The following GCDH variants were observed in gnomAD, a reference collection of about 807,000 sequenced individuals.
GCDH encodes glutaryl-CoA dehydrogenase.
GCDH carries 31 observed loss-of-function variants against 52.8 expected under a neutral mutation model. That is an observed-to-expected ratio of 0.59 (90% confidence interval 0.44 to 0.79). The LOEUF is 0.79. Ranked by LOEUF, GCDH falls within the 30% of genes least tolerant of loss-of-function variation. The pLI is 0.00. For synonymous variants in GCDH, 242 were observed against 250.0 expected (o/e 0.97, Z 0.30); for missense variants, 509 against 595.0 (o/e 0.86, Z 1.50).
chr19:12,891,877 G>A lies in GCDH; in HGVS notation c.174G>A (p.Glu58=), dbSNP rs1256501436. ...FDWQDPLVLE[E]QLTTDEILIR... ...GGCAGGACCCGCTGGTGCTGGAGGA[G>A]CAGCTGACCACAGATGAGATCCTCA... The change falls in exon 4 of 12, where the codon GAG becomes GAA. Residue 58 remains glutamate (E), a synonymous_variant. Transcript: ENST00000222214. The A allele has an allele frequency of 6.2e-7, 1 of 1,614,120 alleles. No homozygotes were observed. Among genetic ancestry groups the A allele is most frequent in the Non-Finnish European group, 8.5e-7 (1 of 1,179,972 alleles).
At chr19:12,897,038 C>T (rs1329450888) in intron 9 of GCDH, 25 bp downstream of exon 9, 3 of 1,571,962 alleles carry the variant, frequency 1.9e-6, no homozygotes, top group Non-Finnish European at 2.6e-6. Context: ...CAGTGAGATT[C>T]TCTGGGGGTG....
chr19:12,891,350 G>A lies in GCDH; in HGVS notation c.46G>A (p.Gly16Ser). The A allele has an allele frequency of 6.2e-7, 1 of 1,613,184 alleles. No individual in the cohort carries two copies. The highest frequency in any genetic ancestry group is 8.5e-7 in the Non-Finnish European group (1 of 1,179,982). ...CGTGCGGCTGCTGAGCCGCGGACCC[G>A]GCCTGCACGTCCTTCGCACGTGGGT... ...VSVRLLSRGP[G>S]LHVLRTWVSS... The change falls in exon 2 of 12, where the codon GGC becomes AGC. Residue 16 changes from glycine to serine, a missense_variant. Transcript: ENST00000222214.
Position 12,897,330 on chromosome 19 carries a change from G to C in GCDH, c.984G>C (p.Arg328Ser). 6.2e-7 allele frequency: 1 copy of C among 1,613,790 alleles called. No homozygotes were observed. Among genetic ancestry groups the C allele is most frequent in the Non-Finnish European group, 8.5e-7 (1 of 1,179,982 alleles). Residue 328 changes from arginine to serine, a missense_variant, in exon 10 of 12, where the codon AGG (arginine) becomes AGC (serine). Physicochemically the swap from Arg to Ser is moderately radical, Grantham distance 110 (BLOSUM62 -1). Transcript: ENST00000222214. ...DRMQFGVPLA[R>S]NQLIQKKLAD... ...TGCAGTTTGGTGTCCCACTGGCCAG[G>C]AACCAGCTGATTCAGAAGAAGCTGG...
intron 6 of GCDH, chr19:12,894,435 C>G: frequency 1.7e-5 from 13 of 745,384 alleles, no homozygotes; most frequent in Non-Finnish European, 3.3e-5. Flanking sequence ...ATGGTTGCAT[C>G]GTGGATGCCA....
At chr19:12,894,574 C>T (rs1970631354) in intron 6 of GCDH, 2 of 660,666 alleles carry the variant, frequency 3.0e-6, no homozygotes, top group Admixed American at 2.4e-5. Context: ...TTTTCAGTCT[C>T]TCTAAAGAAA....
rs1159941096 is a variant in GCDH at position 12,891,827 on chromosome 19, C to T, written c.128-4C>T. On this transcript the variant is annotated splice_polypyrimidine_tract_variant and splice_region_variant and intron_variant, in intron 3 of 11. Transcript: ENST00000222214. ...ACTGGACCGAGGCGAATTCCCCTTCCCAGCCTCGCGTCCCGAGTTTGACTG... is the reference window on the plus strand; with the variant it reads ...ACTGGACCGAGGCGAATTCCCCTTCTCAGCCTCGCGTCCCGAGTTTGACTG... 5.6e-6 allele frequency: 9 copies of T among 1,613,860 alleles called. No individual in the cohort carries two copies. The highest frequency in any genetic ancestry group is 4.2e-6 in the Non-Finnish European group (5 of 1,180,004).
rs757029371 is a variant in GCDH at position 12,899,571 on chromosome 19, A to C, written c.*30A>C. On this transcript the variant is annotated 3_prime_UTR_variant, in exon 12 of 12. Coordinates refer to ENST00000222214, the MANE Select transcript of GCDH (RefSeq NM_000159.4). ...CTCCATCAGGGGCCCGAAACTCTCAAGCCCCTTTCTGGAGAGATGCCTGGC... is the reference window on the plus strand; with the variant it reads ...CTCCATCAGGGGCCCGAAACTCTCACGCCCCTTTCTGGAGAGATGCCTGGC... The C allele has an allele frequency of 1.9e-5, 30 of 1,613,912 alleles. 1 individual carries two copies. The South Asian group carries it at 3.2e-4, about 17-fold the overall frequency.
chr19:12,899,598 G>C lies in GCDH; in HGVS notation c.*57G>C. On this transcript the variant is annotated 3_prime_UTR_variant, in exon 12 of 12. Coordinates refer to ENST00000222214, the MANE Select transcript of GCDH (RefSeq NM_000159.4). The stretch of plus-strand genomic sequence containing the variant: ...CCCCTTTCTGGAGAGATGCCTGGCT[G>C]GACCGTAGGAGCGCTGTGCTCTGAG... The C allele has an allele frequency of 6.2e-7, 1 of 1,613,704 alleles. No homozygotes were observed. The highest frequency in any genetic ancestry group is 8.5e-7 in the Non-Finnish European group (1 of 1,179,844).
At chr19:12,892,286 T>A in intron 5 of GCDH, 108 bp downstream of exon 5, 1 of 1,002,924 alleles carries the variant, frequency 1.0e-6, no homozygotes, top group Non-Finnish European at 1.6e-6. Context: ...TTTCTTTTCC[T>A]TTTCTTTCCT....
rs1446542344 is a variant in GCDH at position 12,897,367 on chromosome 19, A to T, written c.1021A>T (p.Thr341Ser). 2 of 1,613,594 alleles carry T rather than the reference A, an allele frequency of 1.2e-6. No homozygotes were observed. The highest frequency in any genetic ancestry group is 8.5e-7 in the Non-Finnish European group (1 of 1,179,954). Reference protein sequence around the residue: ...LIQKKLADMLTEITLGLHACL... With the variant: ...LIQKKLADMLSEITLGLHACL... ...TCAGAAGAAGCTGGCAGACATGCTC[A>T]CTGAGATTACCCTGGGCCTTCACGC... The change falls in exon 10 of 12, where the codon ACT becomes TCT. Residue 341 changes from threonine (T) to serine (S), a missense_variant. By Grantham distance (58) the Thr-to-Ser change is moderately conservative. Transcript: ENST00000222214.
chr19:12,894,031 TG>T (rs952855225), intron 6 of GCDH: 9 of 606,400 alleles, frequency 1.5e-5, no homozygotes, highest in Non-Finnish European at 2.3e-5. Context: ...GGAGACCCCA[TG>T]TCTATTAGAA....
rs572680595 is a variant in GCDH at position 12,891,574 on chromosome 19, T to C, written c.127+52T>C. On this transcript the variant is annotated intron_variant, in intron 3 of 11. Transcript: ENST00000222214. ...TCTGCTGCCCCTGTTCAGCTGTCTGTCTGCCGCAGGTGGACTCTGTCCCAG... is the reference window on the plus strand; with the variant it reads ...TCTGCTGCCCCTGTTCAGCTGTCTGCCTGCCGCAGGTGGACTCTGTCCCAG... The C allele has an allele frequency of 7.4e-5, 119 of 1,613,978 alleles. No homozygotes were observed. The African/African-American group carries it at 1.5e-3, about 20-fold the overall frequency.
rs561221101 is a variant in GCDH at position 12,896,792 on chromosome 19, C to A, written c.853-118C>A. The A allele has an allele frequency of 2.8e-4, 209 of 743,792 alleles. No homozygotes were observed. The highest frequency in any genetic ancestry group is 2.7e-3 in the South Asian group (186 of 68,790). The allele number at this position is 743,792 out of a possible 1,614,324, so 46.1% of individuals were successfully genotyped here. A position where few individuals can be genotyped will look rare whatever the true frequency, so the allele number is the denominator to read the frequency against. The stretch of plus-strand genomic sequence containing the variant: ...GGGCCATCTGTGATGTGAACCACAA[C>A]CTGAGTCCCCCTGCGTGGGGTGGCT... On this transcript the variant is annotated intron_variant, in intron 8 of 11. Transcript: ENST00000222214. The surrounding 1 kb of genome is among the most constrained non-coding windows in gnomAD (Gnocchi z 5.5).
chr19:12,891,575 C>G, intron 3 of GCDH, 53 bp downstream of exon 3: 1 of 1,613,998 alleles, frequency 6.2e-7, no homozygotes, highest in Non-Finnish European at 8.5e-7. Flanking sequence ...AGCTGTCTGT[C>G]TGCCGCAGGT....
At position 12,893,130 on chromosome 19, in the gene GCDH, A is replaced by T. The variant is rs112462439; in HGVS notation, c.335-353A>T. 2.1e-3 allele frequency among the ~76,000 whole-genome samples: 320 copies of T among 151,954 alleles called. 2 individuals carry two copies. Among genetic ancestry groups the T allele is most frequent in the African/African-American group, 7.1e-3 (294 of 41,442 alleles). On this transcript the variant is annotated intron_variant, in intron 5 of 11. Transcript: ENST00000222214. ...TTGAACTCCTGACCTCAGGTGATCC[A>T]CCCACCTCGGCCTCCCAAAGTGCTG...
rs766788256 is a variant in GCDH, at chr19:12,892,135, T to C, written c.291T>C (p.Ile97=). ...TTGCAGTTTTTCATCGGGAGATCAT[T>C]TCGGAGATGGGGGAGTTGGGTGTGC... The part of the protein sequence containing the change: ...NRNEVFHREI[I]SEMGELGVLG... Residue 97 remains isoleucine, a synonymous_variant, in exon 5 of 12, where the codon ATT becomes ATC. Transcript: ENST00000222214. The C allele has an allele frequency of 3.7e-6, 6 of 1,614,162 alleles. No individual in the cohort carries two copies. Among genetic ancestry groups the C allele is most frequent in the Middle Eastern group, 1.6e-4 (1 of 6,062 alleles).
At position 12,891,352 on chromosome 19, in the gene GCDH, C is replaced by T. The variant is rs1436850883; in HGVS notation, c.48C>T (p.Gly16=). 2 of 1,613,218 alleles carry T rather than the reference C, an allele frequency of 1.2e-6. No homozygotes were observed. The highest frequency in any genetic ancestry group is 8.5e-7 in the Non-Finnish European group (1 of 1,180,016). ...VSVRLLSRGP[G]LHVLRTWVSS... ...TGCGGCTGCTGAGCCGCGGACCCGG[C>T]CTGCACGTCCTTCGCACGTGGGTCT... The change falls in exon 2 of 12, where the codon GGC becomes GGT. Residue 16 remains glycine, a synonymous_variant. Transcript: ENST00000222214.
chr19:12,891,161 G>A lies in GCDH; in HGVS notation c.-76G>A. 1 of 689,750 alleles carries A rather than the reference G, an allele frequency of 1.4e-6. No homozygotes were observed. The highest frequency in any genetic ancestry group is 2.6e-6 in the Non-Finnish European group (1 of 382,876). 42.7% of individuals were successfully genotyped at this position (689,750 alleles called of 1,614,324 possible). A position where few individuals can be genotyped will look rare whatever the true frequency, so the allele number is the denominator to read the frequency against. On this transcript the variant is annotated 5_prime_UTR_variant, in exon 1 of 12. Coordinates refer to ENST00000222214, the MANE Select transcript of GCDH (RefSeq NM_000159.4). ...TTGCTGAGGTCAAAGGCCTGCGTCA[G>A]TTGCACTGTAGCCTCGGCAGTGAAC...
In GCDH at chr19:12,896,406, T is replaced by C. The variant is rs767543724; in HGVS notation, c.837T>C (p.Gly279=). Residue 279 remains glycine, a synonymous_variant, in exon 8 of 12, where the codon GGT becomes GGC. Transcript: ENST00000222214. The surrounding 1 kb of genome is among the most constrained non-coding windows in gnomAD (Gnocchi z 5.5). The part of the protein sequence containing the change: ...VEVPEENVLP[G]ASSLGGPFGC... ...TGCCAGAGGAGAATGTGCTCCCTGG[T>C]GCATCCAGCCTGGGGGTAAGTGGCA... 31 of 1,613,162 alleles carry C rather than the reference T, an allele frequency of 1.9e-5. No individual in the cohort carries two copies. Among genetic ancestry groups the C allele is most frequent in the Non-Finnish European group, 2.4e-5 (28 of 1,179,662 alleles).
Sources: gnomAD v4.1 joint callset for allele counts (sites outside exome capture counted in the v4.1 genomes callset) on GRCh38, gnomAD v4.1.1 for gene constraint, Gnocchi (gnomAD v3.1) non-coding constraint, MANE v1.5 for transcripts, NCBI Gene and HGNC (gene_info 2026-07-23, HGNC 2026-07-21) for gene names.